AHSG: variants seen among roughly 807,000 people sequenced by gnomAD.
The protein encoded by AHSG is alpha-2-HS-glycoprotein.
AHSG carries 23 observed loss-of-function variants against 30.1 expected under a neutral mutation model. The observed-to-expected ratio is 0.76, with a 90% CI of 0.55 to 1.08. The LOEUF is 1.08. Among genes scored for constraint, AHSG ranks in the 50% least tolerant of loss-of-function variants. AHSG has a pLI of 0.00. For missense variants in AHSG, 469 were observed against 459.5 expected (o/e 1.02, Z -0.19); for synonymous variants, 164 against 186.3 (o/e 0.88, Z 0.98).
Position 186,621,043 on chromosome 3 carries a change from G to T in AHSG, c.*113G>T, listed in dbSNP as rs537969176. On this transcript the variant is annotated 3_prime_UTR_variant, in exon 7 of 7. Transcript: ENST00000411641. ...TGCTGGCCACGCAAGTGTCACATGCGATCTACATTAATATCAAGTCTTGAC... is the reference window on the plus strand; with the variant it reads ...TGCTGGCCACGCAAGTGTCACATGCTATCTACATTAATATCAAGTCTTGAC... 2.0e-6 allele frequency: 2 copies of T among 981,804 alleles called. No individual in the cohort carries two copies. The highest frequency in any genetic ancestry group is 3.0e-6 in the Non-Finnish European group (2 of 663,446). 60.8% of individuals were successfully genotyped at this position (981,804 alleles called of 1,614,324 possible).
In AHSG at chr3:186,618,525, A is replaced by G. The variant is rs764705721; in HGVS notation, c.574-11A>G. 1.9e-6 allele frequency: 3 copies of G among 1,611,700 alleles called. No homozygotes were observed. Among genetic ancestry groups the G allele is most frequent in the Non-Finnish European group, 2.5e-6 (3 of 1,178,310 alleles). ...TCTTTCCTCAAGAGCATTTTCATGTACTCTTCTCAGCCCCTCCCACCTTCT... is the reference window on the plus strand; with the variant it reads ...TCTTTCCTCAAGAGCATTTTCATGTGCTCTTCTCAGCCCCTCCCACCTTCT... On this transcript the variant is annotated splice_polypyrimidine_tract_variant and intron_variant, in intron 4 of 6. Transcript: ENST00000411641.
chr3:186,621,198 G>A lies in AHSG; in HGVS notation c.*268G>A, dbSNP rs1447401144. ...CACCATGATTGTGTTCTCTGCCTCT[G>A]GTTGACCTTACAAAAACCATTGGAA... On this transcript the variant is annotated 3_prime_UTR_variant, in exon 7 of 7. Transcript: ENST00000411641. The A allele has an allele frequency of 2.2e-5, 10 of 447,356 alleles. No individual in the cohort carries two copies. Among genetic ancestry groups the A allele is most frequent in the Non-Finnish European group, 4.1e-5 (10 of 246,462 alleles). 27.7% of individuals were successfully genotyped at this position (447,356 alleles called of 1,614,324 possible).
At chr3:186,614,317 G>A (rs1024872471) in intron 1 of AHSG, among the ~76,000 whole-genome samples, 1 of 152,128 alleles carries the variant, frequency 6.6e-6, no homozygotes, top group African/African-American at 2.4e-5. Flanking sequence ...ATATAAAACT[G>A]CCATTTTTCT....
chr3:186,615,114 A>T (rs1029225819), intron 1 of AHSG, among the ~76,000 whole-genome samples: 1 of 152,086 alleles, frequency 6.6e-6, no homozygotes, highest in African/African-American at 2.4e-5. Context: ...AAAACCAAGG[A>T]CAACAGCAGC....
chr3:186,615,932 A>G, intron 2 of AHSG, 137 bp downstream of exon 2: 1 of 741,532 alleles, frequency 1.3e-6, no homozygotes, highest in Non-Finnish European at 2.3e-6. Flanking sequence ...GCAGTGGCTC[A>G]TGCCTATAAT....
At chr3:186,617,756 A>C in intron 4 of AHSG, 2 of 303,154 alleles carry the variant, frequency 6.6e-6, no homozygotes, top group Non-Finnish European at 1.3e-5. Flanking sequence ...CGTAATTAAT[A>C]CTCACTTGTG....
chr3:186,618,699 T>C lies in AHSG; in HGVS notation c.675+62T>C, dbSNP rs1033933844. On this transcript the variant is annotated intron_variant, in intron 5 of 6. Transcript: ENST00000411641. The stretch of plus-strand genomic sequence containing the variant: ...ACAGAGCTGTTTGTGGAACAGAACA[T>C]CCTTGGATAGTTTGTATCTTGGGGC... 17 of 1,583,198 alleles carry C rather than the reference T, an allele frequency of 1.1e-5. No individual in the cohort carries two copies. In the Admixed American group the frequency reaches 3.0e-4, roughly 28 times the overall value.
In AHSG at chr3:186,618,238, T is replaced by G. The variant is rs2070634; in HGVS notation, c.574-298T>G. 0.48 allele frequency among the ~76,000 whole-genome samples: 72,247 copies of G among 151,936 alleles called. 17,767 individuals are homozygous for G. Among genetic ancestry groups the G allele is most frequent in the East Asian group, 0.61 (3,163 of 5,144 alleles). ...AGGGTTCCCACTCCTATCAGTCTAA[T>G]GCTGGCCTTCTGATTCCGGTTTCCT... is the stretch of plus-strand genomic sequence containing the variant. On this transcript the variant is annotated intron_variant, in intron 4 of 6. Transcript: ENST00000411641.
At chr3:186,615,629 C>G in intron 1 of AHSG, 56 bp from the exon 2 acceptor site, 1 of 1,447,108 alleles carries the variant, frequency 6.9e-7, no homozygotes, top group Non-Finnish European at 9.7e-7. Context: ...TACCGTGGAC[C>G]GCACCACAGG....
Position 186,617,263 on chromosome 3 carries a change from C to T in AHSG, c.486C>T (p.His162=). 2.5e-6 allele frequency: 4 copies of T among 1,614,214 alleles called. No homozygotes were observed. The highest frequency in any genetic ancestry group is 1.1e-5 in the South Asian group (1 of 91,090). The change falls in exon 4 of 7, where the codon CAC becomes CAT. Residue 162 remains histidine, a synonymous_variant. Coordinates refer to ENST00000411641, the MANE Select transcript of AHSG (RefSeq NM_001622.4). The stretch of plus-strand genomic sequence containing the variant: ...CGCTGAACGACACCAGGGTGGTGCA[C>T]GCCGCGAAAGCTGCCCTGGCCGCCT... ...LAPLNDTRVV[H]AAKAALAAFN... is the part of the protein sequence containing the mutation.
intron 5 of AHSG, among the ~76,000 whole-genome samples, chr3:186,619,590 G>A (rs537486070): frequency 2.0e-5 from 3 of 152,220 alleles, no homozygotes; most frequent in Non-Finnish European, 2.9e-5. Flanking sequence ...ATATTTAATA[G>A]TATTTTAAAA....
At chr3:186,614,145 A>G (rs1390738591) in intron 1 of AHSG, among the ~76,000 whole-genome samples, 1 of 152,194 alleles carries the variant, frequency 6.6e-6, no homozygotes, top group Admixed American at 6.5e-5. Flanking sequence ...CAAGCTGGAA[A>G]TATGCCTCGG....
intron 6 of AHSG, 139 bp from the exon 7 acceptor site, chr3:186,620,447 T>A (rs763680823): frequency 1.3e-6 from 1 of 754,228 alleles, no homozygotes; most frequent in Non-Finnish European, 2.2e-6. Flanking sequence ...TGTACTTGGG[T>A]AGGTCCTTTC....
chr3:186,616,382 G>A (rs1716304576), intron 2 of AHSG, 61 bp from the exon 3 acceptor site: 1 of 1,401,656 alleles, frequency 7.1e-7, no homozygotes, highest in Non-Finnish European at 9.9e-7. Context: ...GTGCCTGGAG[G>A]GAGCCTGCCC....
intron 6 of AHSG, 138 bp from the exon 7 acceptor site, chr3:186,620,448 A>C: frequency 2.7e-6 from 2 of 753,210 alleles, no homozygotes; most frequent in Non-Finnish European, 4.4e-6. Flanking sequence ...GTACTTGGGT[A>C]GGTCCTTTCT....
intron 6 of AHSG, 62 bp downstream of exon 6, chr3:186,620,002 T>C (rs2108503634): frequency 2.3e-6 from 3 of 1,287,874 alleles, no homozygotes; most frequent in Middle Eastern, 1.9e-4. Flanking sequence ...TTCACATTTA[T>C]GCAGTGCAGT....
intron 1 of AHSG, among the ~76,000 whole-genome samples, chr3:186,614,158 A>G (rs867777635): frequency 6.6e-6 from 1 of 152,180 alleles, no homozygotes; most frequent in Non-Finnish European, 1.5e-5. Flanking sequence ...TGCCTCGGGG[A>G]TCAGTCAAGA....
intron 1 of AHSG, 131 bp downstream of exon 1, chr3:186,613,485 T>C (rs1472179348): frequency 2.2e-6 from 2 of 890,348 alleles, no homozygotes; most frequent in East Asian, 2.7e-5. Context: ...TTCCCAGGAG[T>C]GAGGGAAGGG....
intron 6 of AHSG, among the ~76,000 whole-genome samples, chr3:186,620,385 C>T (rs932281348): frequency 2.0e-5 from 3 of 152,100 alleles, no homozygotes; most frequent in Admixed American, 1.3e-4. Flanking sequence ...CTAGTGAGGC[C>T]GGGGCCAACA....
Sources: gnomAD v4.1 joint callset for allele counts (sites outside exome capture counted in the v4.1 genomes callset) on GRCh38, gnomAD v4.1.1 for gene constraint, MANE v1.5 for transcripts, NCBI Gene and HGNC (gene_info 2026-07-23, HGNC 2026-07-21) for gene names.